MAN1B1: variants seen among roughly 807,000 people sequenced by gnomAD.
MAN1B1 encodes the protein mannosidase alpha class 1B member 1, also known as endoplasmic reticulum mannosyl-oligosaccharide 1,2-alpha-mannosidase.
MAN1B1 carries 66 observed loss-of-function variants against 75.5 expected under a neutral mutation model. The ratio of observed to expected loss-of-function variants is 0.87; its 90% CI spans 0.72 to 1.07. The LOEUF (loss-of-function observed/expected upper bound fraction) is 1.07, where lower values mean the gene tolerates loss of function less well. Ranked by LOEUF, MAN1B1 falls within the 50% of genes least tolerant of loss-of-function variation. The pLI, the probability that MAN1B1 is intolerant of heterozygous loss-of-function variation, is 0.00. For missense variants in MAN1B1, 973 were observed against 912.5 expected (o/e 1.07, Z -0.85); for synonymous variants, 453 against 382.8 (o/e 1.18, Z -2.14).
At chr9:137,088,585 A>G (rs1009714470) in intron 2 of MAN1B1, 4 of 747,420 alleles carry the variant, frequency 5.4e-6, no homozygotes, top group South Asian at 1.7e-5. Context: ...CTTTGGAGCA[A>G]AGCTAAAGGG....
At position 137,107,596 on chromosome 9, in the gene MAN1B1, C is replaced by T. The variant is rs371432001; in HGVS notation, c.1830C>T (p.Val610=). ...AGAGCCTGTTCTACCTGTACCGCGT[C>T]ACAGGGGACCGCAAATACCAGGACT... ...TVESLFYLYR[V]TGDRKYQDWG... The change falls in exon 12 of 13, where the codon GTC becomes GTT. Residue 610 remains valine, a synonymous_variant. Transcript: ENST00000371589. 6.2e-7 allele frequency: 1 copy of T among 1,611,912 alleles called. No individual in the cohort carries two copies. Among genetic ancestry groups the T allele is most frequent in the Non-Finnish European group, 8.5e-7 (1 of 1,179,976 alleles).
In MAN1B1 at chr9:137,101,096, G is replaced by T. The variant is rs749675839; in HGVS notation, c.1008G>T (p.Leu336=). The change falls in exon 7 of 13, where the codon CTG becomes CTT. Residue 336 remains leucine, a synonymous_variant. Transcript: ENST00000371589. ...TGTTTGAGAGCACGATCCGCATCCT[G>T]GGGGGGCTCCTGAGTGCCTACCACC... ...VNLFESTIRI[L]GGLLSAYHLS... 1.9e-6 allele frequency: 3 copies of T among 1,613,928 alleles called. No homozygotes were observed. Among genetic ancestry groups the T allele is most frequent in the Admixed American group, 1.7e-5 (1 of 60,018 alleles).
chr9:137,098,460 G>C (rs1336998125), intron 5 of MAN1B1, among the ~76,000 whole-genome samples: 2 of 152,190 alleles, frequency 1.3e-5, no homozygotes, highest in Non-Finnish European at 2.9e-5. Context: ...TGTCTGTGGG[G>C]GCTCATGGCA....
At chr9:137,088,031 G>T in intron 1 of MAN1B1, 44 bp from the exon 2 acceptor site, 1 of 1,414,216 alleles carries the variant, frequency 7.1e-7, no homozygotes, top group Non-Finnish European at 1.0e-6. Context: ...GACGTTCCGT[G>T]TGATATATTC....
At chr9:137,103,619 T>C in intron 8 of MAN1B1, 1 of 437,756 alleles carries the variant, frequency 2.3e-6, no homozygotes. Flanking sequence ...ACATTCATGC[T>C]GTTGCAGGCG....
chr9:137,098,267 G>A (rs1291333501), intron 5 of MAN1B1, among the ~76,000 whole-genome samples: 2 of 152,248 alleles, frequency 1.3e-5, no homozygotes, highest in Non-Finnish European at 2.9e-5. Flanking sequence ...AGCTCTGGGG[G>A]CCACTTCATT....
chr9:137,108,105 CTGCCCTGTGCCCTG>C (rs907349561), intron 12 of MAN1B1: 20 of 606,992 alleles, frequency 3.3e-5, no homozygotes, highest in South Asian at 7.9e-5. Context: ...CTCCCACCGT[CTGCCCTGTGCCCTG>C]TGCCCTGTGC....
intron 3 of MAN1B1, among the ~76,000 whole-genome samples, chr9:137,093,831 C>T (rs1830583594): frequency 6.6e-6 from 1 of 151,534 alleles, no homozygotes; most frequent in Non-Finnish European, 1.5e-5. Context: ...AAGACTCTGT[C>T]TCAAAAAAAA....
Position 137,097,935 on chromosome 9 carries a change from C to T in MAN1B1, c.728C>T (p.Pro243Leu), listed in dbSNP as rs748783137. The T allele has an allele frequency of 1.9e-6, 3 of 1,553,084 alleles. No homozygotes were observed. The part of the protein sequence containing the change: ...PLPPARTQGT[P>L]VHLNYRQKGV... Reference sequence around the variant, plus strand: ...CCACCGGCCAGGACACAGGGCACACCAGGTGAGGCCACACCTGCACCCCTT... The same window carrying T: ...CCACCGGCCAGGACACAGGGCACACTAGGTGAGGCCACACCTGCACCCCTT... The change falls in exon 5 of 13, where the codon CCA (proline) becomes CTA (leucine). Residue 243 changes from proline (P) to leucine (L), a missense_variant and splice_region_variant. Pro to Leu is a moderately conservative substitution (Grantham distance 98, BLOSUM62 -3). Transcript: ENST00000371589.
intron 3 of MAN1B1, among the ~76,000 whole-genome samples, chr9:137,093,945 A>G (rs1830586433): frequency 6.6e-6 from 1 of 152,190 alleles, no homozygotes; most frequent in Non-Finnish European, 1.5e-5. Flanking sequence ...TCATATGGAA[A>G]GAAAATTTGG....
At position 137,108,410 on chromosome 9, in the gene MAN1B1, C is replaced by T; in HGVS notation, c.1919C>T (p.Ser640Phe). 1 of 1,613,800 alleles carries T rather than the reference C, an allele frequency of 6.2e-7. No homozygotes were observed. Among genetic ancestry groups the T allele is most frequent in the Non-Finnish European group, 8.5e-7 (1 of 1,180,016 alleles). The change falls in exon 13 of 13, where the codon TCC (serine) becomes TTC (phenylalanine). Residue 640 changes from serine to phenylalanine, a missense_variant. By Grantham distance (155) the Ser-to-Phe change is radical (BLOSUM62 -2). Coordinates refer to ENST00000371589, the MANE Select transcript of MAN1B1 (RefSeq NM_016219.5). ...CAGGTCCCCTCGGGTGGCTATTCTT[C>T]CATCAACAATGTCCAGGATCCTCAG... ...FTRVPSGGYS[S>F]INNVQDPQKP...
rs1192299262 is a variant in MAN1B1, at chr9:137,108,273, C to T, written c.1897-115C>T. ...TGGCCATCATCCAGGCGCCCTCCAC[C>T]CTGAGCTTGCGCTGGGGGCCACATT... is the stretch of plus-strand genomic sequence containing the variant. On this transcript the variant is annotated intron_variant, in intron 12 of 12. Coordinates refer to ENST00000371589, the MANE Select transcript of MAN1B1 (RefSeq NM_016219.5). The T allele has an allele frequency of 7.3e-6, 7 of 962,020 alleles. No homozygotes were observed. The East Asian group carries it at 1.8e-4, about 24-fold the overall frequency. 59.6% of individuals were successfully genotyped at this position (962,020 alleles called of 1,614,324 possible). A position where few individuals can be genotyped will look rare whatever the true frequency, so the allele number is the denominator to read the frequency against.
intron 3 of MAN1B1, among the ~76,000 whole-genome samples, chr9:137,094,018 AT>A (rs1419422325): frequency 2.5e-3 from 345 of 140,690 alleles, no homozygotes; most frequent in African/African-American, 4.2e-3. Flanking sequence ...ACCCATGGTG[AT>A]TTTTTTTTTT....
intron 8 of MAN1B1, chr9:137,102,549 TAC>T (rs72108373): frequency 6.9e-6 from 3 of 432,144 alleles, no homozygotes; most frequent in African/African-American, 2.5e-5. Context: ...TCGGTGGTGT[TAC>T]ACACATTCAC....
Position 137,106,828 on chromosome 9 carries a change from C to T in MAN1B1, c.1566+19C>T, listed in dbSNP as rs780556176. On this transcript the variant is annotated intron_variant, in intron 10 of 12. Coordinates refer to ENST00000371589, the MANE Select transcript of MAN1B1 (RefSeq NM_016219.5). ...CAAGATGGTGAGTGTGTCTGCGGGG[C>T]CTTCCGGCCGCCGCCCCTTTTACCT... The T allele has an allele frequency of 4.3e-6, 7 of 1,611,402 alleles. No homozygotes were observed. Among genetic ancestry groups the T allele is most frequent in the African/African-American group, 2.7e-5 (2 of 74,910 alleles).
rs1448075661 is a variant in MAN1B1 at position 137,108,792 on chromosome 9, G to A, written c.*201G>A. The A allele has an allele frequency of 2.1e-5, 15 of 698,636 alleles. No homozygotes were observed. Among genetic ancestry groups the A allele is most frequent in the Non-Finnish European group, 3.6e-5 (14 of 383,662 alleles). 43.3% of individuals were successfully genotyped at this position (698,636 alleles called of 1,614,324 possible). On this transcript the variant is annotated 3_prime_UTR_variant, in exon 13 of 13. Transcript: ENST00000371589. ...CGTCAGTCTTGGTGTGATGCGGGGT[G>A]GGCTGGGCCGCTGGAGCCTCCGCCT...
chr9:137,102,954 A>G (rs866286441), intron 8 of MAN1B1: 1 of 418,772 alleles, frequency 2.4e-6, no homozygotes, highest in African/African-American at 2.4e-5. Context: ...GTGGTGTTAC[A>G]CACATTCACG....
intron 4 of MAN1B1, among the ~76,000 whole-genome samples, chr9:137,096,775 C>T (rs1426763005): frequency 2.6e-5 from 4 of 152,228 alleles, no homozygotes; most frequent in Non-Finnish European, 5.9e-5. Context: ...GCCCAGGCTC[C>T]CAGAGTGCTG....
chr9:137,102,479 A>G, intron 8 of MAN1B1: 2 of 392,576 alleles, frequency 5.1e-6, no homozygotes, highest in South Asian at 3.4e-5. Context: ...ACACACATTC[A>G]TTCTGTTGCA....
Sources: gnomAD v4.1 joint callset for allele counts (sites outside exome capture counted in the v4.1 genomes callset) on GRCh38, gnomAD v4.1.1 for gene constraint, MANE v1.5 for transcripts, NCBI Gene and HGNC (gene_info 2026-07-23, HGNC 2026-07-21) for gene names.